Variants in SGSM2 observed in about 807,000 individuals in gnomAD.
SGSM2 encodes RUN and TBC1 domain containing 1.
In SGSM2, 89 loss-of-function variants were observed where a neutral mutation model predicts 126.6. The ratio of observed to expected loss-of-function variants is 0.70; its 90% CI spans 0.59 to 0.84. The LOEUF is 0.84. Among genes scored for constraint, SGSM2 ranks in the 40% least tolerant of loss-of-function variants. The pLI, the probability that SGSM2 is intolerant of heterozygous loss-of-function variation, is 0.00. For missense variants in SGSM2, 1,404 were observed against 1,416.6 expected (o/e 0.99, Z 0.14); for synonymous variants, 614 against 574.3 (o/e 1.07, Z -0.99).
Position 2,363,644 on chromosome 17 carries a change from C to G in SGSM2, c.807+45C>G, listed in dbSNP as rs201476418. On this transcript the variant is annotated intron_variant, in intron 7 of 23. Transcript: ENST00000268989. This position sits in a 1 kb window ranked among gnomAD's most constrained non-coding sequence, Gnocchi z 4.2. ...CCATCCCTCCCCGAAGGTCCCCGAA[C>G]GAGACGACTGGAAGCCTCTAGCCAT... 4 of 1,602,184 alleles carry G rather than the reference C, an allele frequency of 2.5e-6. No homozygotes were observed. Among genetic ancestry groups the G allele is most frequent in the Non-Finnish European group, 2.6e-6 (3 of 1,172,202 alleles).
At position 2,365,251 on chromosome 17, in the gene SGSM2, A is replaced by G; in HGVS notation, c.1198A>G (p.Ile400Val). Residue 400 changes from isoleucine to valine, a missense_variant, in exon 11 of 24, where the codon ATT (isoleucine) becomes GTT (valine). Transcript: ENST00000268989. ...CCCCAAGCTACGGAAACGAAGCAGC[A>G]TTCGCTCCGTGGATATGGAGGAGAT... Reference protein sequence around the residue: ...VFPKLRKRSSIRSVDMEEMGT... With the variant: ...VFPKLRKRSSVRSVDMEEMGT... 1 of 1,612,568 alleles carries G rather than the reference A, an allele frequency of 6.2e-7. No individual in the cohort carries two copies. The highest frequency in any genetic ancestry group is 8.5e-7 in the Non-Finnish European group (1 of 1,179,292).
Position 2,364,103 on chromosome 17 carries a change from G to A in SGSM2, c.852G>A (p.Gln284=). 1 of 1,614,006 alleles carries A rather than the reference G, an allele frequency of 6.2e-7. No individual in the cohort carries two copies. Among genetic ancestry groups the A allele is most frequent in the Non-Finnish European group, 8.5e-7 (1 of 1,179,968 alleles). Residue 284 remains glutamine, a synonymous_variant, in exon 8 of 24, where the codon CAG becomes CAA. Transcript: ENST00000268989. ...EAVPGYLSLH[Q]SAESLTLKWT... Reference sequence around the variant, plus strand: ...TCCCTGGCTACCTCTCCCTGCACCAGTCTGCAGAGAGCCTGACTCTGAAGT... The same window carrying A: ...TCCCTGGCTACCTCTCCCTGCACCAATCTGCAGAGAGCCTGACTCTGAAGT...
chr17:2,349,324 G>A (rs1160306238), intron 2 of SGSM2, among the ~76,000 whole-genome samples: 2 of 151,934 alleles, frequency 1.3e-5, no homozygotes, highest in South Asian at 2.1e-4. Flanking sequence ...TTCAGTGAGC[G>A]AGATTGTGCT....
chr17:2,376,351 C>T, intron 19 of SGSM2, 90 bp downstream of exon 19: 1 of 1,536,928 alleles, frequency 6.5e-7, no homozygotes, highest in Non-Finnish European at 8.8e-7. Context: ...CCCTGCTCCT[C>T]TCTCCTGCTC....
chr17:2,363,664 A>G lies in SGSM2; in HGVS notation c.807+65A>G, dbSNP rs1173393372. On this transcript the variant is annotated intron_variant, in intron 7 of 23. Coordinates refer to ENST00000268989, the MANE Select transcript of SGSM2 (RefSeq NM_014853.3). The surrounding 1 kb of genome is among the most constrained non-coding windows in gnomAD (Gnocchi z 4.2). Reference sequence around the variant, plus strand: ...CCGAACGAGACGACTGGAAGCCTCTAGCCATGGCTATTCCTTTCCTGAGGA... The same window carrying G: ...CCGAACGAGACGACTGGAAGCCTCTGGCCATGGCTATTCCTTTCCTGAGGA... 3 of 1,587,188 alleles carry G rather than the reference A, an allele frequency of 1.9e-6. No individual in the cohort carries two copies. The highest frequency in any genetic ancestry group is 2.6e-6 in the Non-Finnish European group (3 of 1,163,976).
Position 2,361,794 on chromosome 17 carries a change from G to A in SGSM2, c.291G>A (p.Glu97=). 6.2e-7 allele frequency: 1 copy of A among 1,604,206 alleles called. No individual in the cohort carries two copies. Among genetic ancestry groups the A allele is most frequent in the Non-Finnish European group, 8.5e-7 (1 of 1,175,302 alleles). ...HKVQELQQQA[E]GRKPSGVSQE... ...TACAGGAGCTGCAGCAACAAGCAGA[G>A]GGCAGGTGAGCCCTGGGCCAGCCCC... is the stretch of plus-strand genomic sequence containing the variant. The change falls in exon 3 of 24, where the codon GAG becomes GAA. Residue 97 remains glutamate (E), a synonymous_variant. Transcript: ENST00000268989.
Position 2,367,162 on chromosome 17 carries a change from C to A in SGSM2, c.1289-109C>A. ...CTCCCTTCCCCTCTTCTGTGCCCTG[C>A]AGATTCACGATGACCCCGGCCTCCA... On this transcript the variant is annotated intron_variant, in intron 11 of 23. Coordinates refer to ENST00000268989, the MANE Select transcript of SGSM2 (RefSeq NM_014853.3). The surrounding 1 kb of genome is among the most constrained non-coding windows in gnomAD (Gnocchi z 4.0). The A allele has an allele frequency of 7.9e-7, 1 of 1,262,060 alleles. No homozygotes were observed. Among genetic ancestry groups the A allele is most frequent in the Non-Finnish European group, 1.1e-6 (1 of 926,420 alleles). The allele number at this position is 1,262,060 out of a possible 1,614,324, so 78.2% of individuals were successfully genotyped here.
intron 18 of SGSM2, 84 bp downstream of exon 18, chr17:2,375,959 G>A (rs919796554): frequency 9.9e-6 from 15 of 1,511,460 alleles, no homozygotes; most frequent in African/African-American, 5.6e-5. Context: ...TGGTGGGGTG[G>A]AAGGCGGGGC....
rs375963355 is a variant in SGSM2, at chr17:2,376,104, G to A, written c.2485-33G>A. The A allele has an allele frequency of 9.3e-6, 15 of 1,613,354 alleles. No homozygotes were observed. The East Asian group carries it at 1.1e-4, about 12-fold the overall frequency. On this transcript the variant is annotated intron_variant, in intron 18 of 23. Coordinates refer to ENST00000268989, the MANE Select transcript of SGSM2 (RefSeq NM_014853.3). ...GCCCCCAGCCTGGGAAGGGCTGCCC[G>A]GTCTCATGCCTGAGGGCCCTCCACT...
At chr17:2,377,288 A>G (rs1453540934) in intron 21 of SGSM2, 1 of 515,164 alleles carries the variant, frequency 1.9e-6, no homozygotes, top group Non-Finnish European at 3.4e-6. Flanking sequence ...GTTTGAGACC[A>G]GCCTGGCCAA....
At chr17:2,371,931 G>C (rs2065890226) in intron 13 of SGSM2, 3 of 528,154 alleles carry the variant, frequency 5.7e-6, no homozygotes, top group Non-Finnish European at 6.7e-6. Flanking sequence ...TTTCACATGA[G>C]GAAACGAAGA....
chr17:2,356,887 T>C (rs12940812), intron 2 of SGSM2, among the ~76,000 whole-genome samples: 370 of 22,500 alleles, frequency 0.016, no homozygotes, highest in Middle Eastern at 0.056. Flanking sequence ...GGGGAAGGGA[T>C]CCCATATCTT....
At position 2,363,704 on chromosome 17, in the gene SGSM2, G is replaced by C. The variant is rs189009102; in HGVS notation, c.807+105G>C. ...TTTCCTGAGGAGCTTGACCAGAGACGGGGGGGAGAATGGCCCCAGCCTCCC... is the reference window on the plus strand; with the variant it reads ...TTTCCTGAGGAGCTTGACCAGAGACCGGGGGGAGAATGGCCCCAGCCTCCC... On this transcript the variant is annotated intron_variant, in intron 7 of 23. Transcript: ENST00000268989. This position sits in a 1 kb window ranked among gnomAD's most constrained non-coding sequence, Gnocchi z 4.2. 2.7e-5 allele frequency: 39 copies of C among 1,458,690 alleles called. No homozygotes were observed. Among genetic ancestry groups the C allele is most frequent in the Admixed American group, 8.7e-5 (4 of 45,788 alleles). 90.4% of individuals were successfully genotyped at this position (1,458,690 alleles called of 1,614,324 possible). A position where few individuals can be genotyped will look rare whatever the true frequency, so the allele number is the denominator to read the frequency against.
chr17:2,340,798 A>C (rs528100814), intron 1 of SGSM2, among the ~76,000 whole-genome samples: 70 of 151,986 alleles, frequency 4.6e-4, no homozygotes, highest in Non-Finnish European at 8.7e-4. Context: ...GTTAGCCAGG[A>C]TGGTCTCGAT....
intron 2 of SGSM2, among the ~76,000 whole-genome samples, chr17:2,361,407 G>C (rs1279054928): frequency 1.3e-5 from 2 of 152,218 alleles, no homozygotes; most frequent in African/African-American, 4.8e-5. Context: ...TATAGGAGGT[G>C]TGTGCGCACC....
At position 2,363,703 on chromosome 17, in the gene SGSM2, C is replaced by T. The variant is rs957567589; in HGVS notation, c.807+104C>T. 51 of 1,476,042 alleles carry T rather than the reference C, an allele frequency of 3.5e-5. No individual in the cohort carries two copies. The highest frequency in any genetic ancestry group is 3.0e-4 in the South Asian group (23 of 76,086). The allele number at this position is 1,476,042 out of a possible 1,614,324, so 91.4% of individuals were successfully genotyped here. A position where few individuals can be genotyped will look rare whatever the true frequency, so the allele number is the denominator to read the frequency against. On this transcript the variant is annotated intron_variant, in intron 7 of 23. Coordinates refer to ENST00000268989, the MANE Select transcript of SGSM2 (RefSeq NM_014853.3). The surrounding 1 kb of genome is among the most constrained non-coding windows in gnomAD (Gnocchi z 4.2). The stretch of plus-strand genomic sequence containing the variant: ...CTTTCCTGAGGAGCTTGACCAGAGA[C>T]GGGGGGGAGAATGGCCCCAGCCTCC...
intron 21 of SGSM2, chr17:2,377,483 CAA>C (rs11339431): frequency 5.6e-3 from 633 of 112,368 alleles, no homozygotes; most frequent in South Asian, 0.028. Flanking sequence ...GACTCTGTCT[CAA>C]AAAAAAAAAA....
In SGSM2 at chr17:2,376,203, C is replaced by A; in HGVS notation, c.2551C>A (p.Arg851Ser). The change falls in exon 19 of 24, where the codon CGC becomes AGC. Residue 851 changes from arginine to serine, a missense_variant. By Grantham distance (110) the Arg-to-Ser change is moderately radical. Coordinates refer to ENST00000268989, the MANE Select transcript of SGSM2 (RefSeq NM_014853.3). ...AGACAAGGATGTGCAGAGGTGTGAC[C>A]GCAACTACTGGTACTTCACGCCCCC... ...RIDKDVQRCDRNYWYFTPPNL... is the reference protein window; with the variant it reads ...RIDKDVQRCDSNYWYFTPPNL... The A allele has an allele frequency of 2.5e-6, 4 of 1,614,068 alleles. No homozygotes were observed. Among genetic ancestry groups the A allele is most frequent in the Non-Finnish European group, 3.4e-6 (4 of 1,180,014 alleles).
Position 2,363,724 on chromosome 17 carries a change from C to T in SGSM2, c.807+125C>T. The T allele has an allele frequency of 7.5e-7, 1 of 1,338,504 alleles. No individual in the cohort carries two copies. Among genetic ancestry groups the T allele is most frequent in the African/African-American group, 1.5e-5 (1 of 68,122 alleles). The allele number at this position is 1,338,504 out of a possible 1,614,324, so 82.9% of individuals were successfully genotyped here. Reference sequence around the variant, plus strand: ...GAGACGGGGGGGAGAATGGCCCCAGCCTCCCAACTCCCTGTTTCACACGAC... The same window carrying T: ...GAGACGGGGGGGAGAATGGCCCCAGTCTCCCAACTCCCTGTTTCACACGAC... On this transcript the variant is annotated intron_variant, in intron 7 of 23. Coordinates refer to ENST00000268989, the MANE Select transcript of SGSM2 (RefSeq NM_014853.3). The surrounding 1 kb of genome is among the most constrained non-coding windows in gnomAD (Gnocchi z 4.2).
Sources: allele counts gnomAD v4.1 joint callset (sites outside exome capture counted in the v4.1 genomes callset), GRCh38; gene constraint gnomAD v4.1.1; non-coding constraint Gnocchi (gnomAD v3.1); transcripts MANE v1.5; gene names NCBI Gene and HGNC (gene_info 2026-07-23, HGNC 2026-07-21).